The following CCSER1 variants were observed in gnomAD, a reference collection of about 807,000 sequenced individuals.
CCSER1 encodes the protein coiled-coil serine rich protein 1.
Under a neutral mutation model 82.0 loss-of-function variants are expected in CCSER1, and 41 were observed. The observed-to-expected ratio is 0.50, with a 90% confidence interval of 0.39 to 0.65. CCSER1 has a LOEUF of 0.65. Ranked by LOEUF, CCSER1 falls within the 30% of genes least tolerant of loss-of-function variation. The probability of loss-of-function intolerance (pLI) is 0.00; values close to 1 mark genes in which losing one functional copy is unlikely to be tolerated. For synonymous variants in CCSER1, 414 were observed against 383.9 expected, an observed-to-expected ratio of 1.08 and a Z score of -0.92; for missense variants, 1,119 against 1,064.2, an observed-to-expected ratio of 1.05 and a Z score of -0.72.
chr4:91,376,272 G>C (rs1750405894), intron 10 of CCSER1, among the ~76,000 whole-genome samples: 1 of 152,168 alleles, frequency 6.6e-6, no homozygotes, highest in Non-Finnish European at 1.5e-5. Flanking sequence ...CAACCTAAGA[G>C]TGTACACAAG....
chr4:90,308,116 T>G (rs1204585144), intron 1 of CCSER1, 128 bp from the exon 2 acceptor site: 2 of 643,734 alleles, frequency 3.1e-6, no homozygotes, highest in Non-Finnish European at 4.8e-6. Flanking sequence ...GTATCAGATT[T>G]TTGTTATTTA....
intron 9 of CCSER1, among the ~76,000 whole-genome samples, chr4:90,972,504 G>C (rs10001098): frequency 6.6e-6 from 1 of 151,444 alleles, no homozygotes; most frequent in Non-Finnish European, 1.5e-5. Flanking sequence ...ACTATAAAAC[G>C]CTGATGAAAG....
Position 91,420,405 on chromosome 4 carries a change from A to C in CCSER1, c.2218-178167A>C, listed in dbSNP as rs184965329. 2.0e-4 allele frequency among the ~76,000 whole-genome samples: 30 copies of C among 152,280 alleles called. 2 individuals are homozygous for C. In the East Asian group the frequency reaches 5.6e-3, roughly 28 times the overall value. ...GACCTGAATAGACAGTTTTCCAAAG[A>C]AGACATAAAAATATCCAACAGATAT... On this transcript the variant is annotated intron_variant, in intron 10 of 10. Coordinates refer to ENST00000509176, the MANE Select transcript of CCSER1 (RefSeq NM_001145065.2).
chr4:90,425,391 T>G (rs547920210), intron 4 of CCSER1, among the ~76,000 whole-genome samples: 1 of 152,196 alleles, frequency 6.6e-6, no homozygotes, highest in Non-Finnish European at 1.5e-5. Context: ...TTACTCAGTT[T>G]CTTCCTTGTA....
chr4:90,251,283 G>T (rs1254075362), intron 1 of CCSER1, among the ~76,000 whole-genome samples: 1 of 151,814 alleles, frequency 6.6e-6, no homozygotes, highest in Non-Finnish European at 1.5e-5. Context: ...TAAATATGAT[G>T]ATATTGAACA....
At chr4:91,380,264 C>T (rs908248892) in intron 10 of CCSER1, among the ~76,000 whole-genome samples, 1 of 151,986 alleles carries the variant, frequency 6.6e-6, no homozygotes, top group African/African-American at 2.4e-5. Flanking sequence ...CTATTAGGTC[C>T]ACTTAGTGCA....
At chr4:90,290,402 T>C (rs974979379) in intron 1 of CCSER1, among the ~76,000 whole-genome samples, 1 of 151,918 alleles carries the variant, frequency 6.6e-6, no homozygotes, top group Non-Finnish European at 1.5e-5. Context: ...ACAAAGCAAA[T>C]AGGGTCTCTT....
In CCSER1 at chr4:90,385,491, A is replaced by G. The variant is rs1345998419; in HGVS notation, c.1510-14545A>G. On this transcript the variant is annotated intron_variant, in intron 3 of 10. Transcript: ENST00000509176. ...TTTTTTTTTTTTGAGATGGAGTCTCACTCTGTCGCCCAGGCTGGAGTGCAG... is the reference window on the plus strand; with the variant it reads ...TTTTTTTTTTTTGAGATGGAGTCTCGCTCTGTCGCCCAGGCTGGAGTGCAG... Among the ~76,000 whole-genome samples, 10 of 135,696 alleles carry G rather than the reference A, an allele frequency of 7.4e-5. No homozygotes were observed. The South Asian group carries it at 1.7e-3, about 22-fold the overall frequency. 89.0% of individuals were successfully genotyped at this position (135,696 alleles called of 152,430 possible). A position where few individuals can be genotyped will look rare whatever the true frequency, so the allele number is the denominator to read the frequency against.
intron 9 of CCSER1, among the ~76,000 whole-genome samples, chr4:91,081,915 A>G (rs1260379662): frequency 2.6e-5 from 4 of 151,838 alleles, no homozygotes; most frequent in Admixed American, 6.6e-5. Flanking sequence ...AACAAAAGAG[A>G]ATACAAACAA....
intron 1 of CCSER1, among the ~76,000 whole-genome samples, chr4:90,168,790 A>G (rs1731026612): frequency 7.9e-6 from 1 of 126,400 alleles, no homozygotes; most frequent in South Asian, 2.7e-4. Flanking sequence ...GGTTGTAGGT[A>G]TGTGGCATTA....
chr4:91,361,293 T>TGAC (rs1749226432), intron 10 of CCSER1, among the ~76,000 whole-genome samples: 1 of 151,774 alleles, frequency 6.6e-6, no homozygotes, highest in African/African-American at 2.4e-5. Context: ...TGAAGAAAGG[T>TGAC]GACATGATGT....
At chr4:90,375,401 C>T (rs7434521) in intron 3 of CCSER1, among the ~76,000 whole-genome samples, 48,773 of 151,644 alleles carry the variant, frequency 0.32, 7,961 homozygotes, top group South Asian at 0.4. Context: ...GAATGGGACA[C>T]ATGGGTTTTG....
At chr4:90,137,187 A>AC in intron 1 of CCSER1, among the ~76,000 whole-genome samples, 1 of 152,236 alleles carries the variant, frequency 6.6e-6, no homozygotes, top group African/African-American at 2.4e-5. Flanking sequence ...CTTAAAAATT[A>AC]AAGTACAGAT....
At chr4:90,515,343 T>TG (rs1772121900) in intron 5 of CCSER1, among the ~76,000 whole-genome samples, 1 of 152,224 alleles carries the variant, frequency 6.6e-6, no homozygotes, top group South Asian at 2.1e-4. Context: ...GCCTAGCTTG[T>TG]GATGGTTCAC....
At chr4:90,220,642 G>A (rs1405121934) in intron 1 of CCSER1, among the ~76,000 whole-genome samples, 3 of 152,106 alleles carry the variant, frequency 2.0e-5, no homozygotes, top group Admixed American at 6.6e-5. Context: ...CTTTGTATCC[G>A]TCTCTCCTGG....
chr4:91,378,540 G>C (rs1033402643), intron 10 of CCSER1, among the ~76,000 whole-genome samples: 1 of 152,138 alleles, frequency 6.6e-6, no homozygotes, highest in Non-Finnish European at 1.5e-5. Flanking sequence ...CTCATGATTT[G>C]GCTCTCTGTT....
intron 8 of CCSER1, among the ~76,000 whole-genome samples, chr4:90,890,919 T>C (rs1029061961): frequency 4.6e-5 from 7 of 152,150 alleles, no homozygotes; most frequent in Non-Finnish European, 8.8e-5. Context: ...AAAAAACTAC[T>C]CTACTATAAT....
intron 4 of CCSER1, among the ~76,000 whole-genome samples, chr4:90,447,066 T>A (rs1760760577): frequency 6.6e-6 from 1 of 152,172 alleles, no homozygotes; most frequent in South Asian, 2.1e-4. Context: ...GTAGTTAAAT[T>A]TTTGGCTGGT....
intron 7 of CCSER1, among the ~76,000 whole-genome samples, chr4:90,763,071 C>T (rs961323948): frequency 3.3e-5 from 5 of 152,174 alleles, no homozygotes; most frequent in African/African-American, 9.6e-5. Flanking sequence ...AGATGGCTTA[C>T]ACCAAGAGAA....
Sources: allele counts gnomAD v4.1 joint callset (sites outside exome capture counted in the v4.1 genomes callset), GRCh38; gene constraint gnomAD v4.1.1; transcripts MANE v1.5; gene names NCBI Gene and HGNC (gene_info 2026-07-23, HGNC 2026-07-21).